MYH15: variants seen among roughly 807,000 people sequenced by gnomAD.
MYH15 encodes myosin heavy chain 15, also known as myosin-15.
MYH15 carries 227 observed loss-of-function variants against 240.5 expected under a neutral mutation model. The ratio of observed to expected loss-of-function variants is 0.94; its 90% CI spans 0.85 to 1.05. MYH15 has a LOEUF of 1.05. Ranked by LOEUF, MYH15 falls within the 50% of genes least tolerant of loss-of-function variation. The pLI is 0.00. For missense variants in MYH15, 2,217 were observed against 2,247.5 expected (o/e 0.99, Z 0.27); for synonymous variants, 785 against 796.7 (o/e 0.99, Z 0.25).
rs2082425644 is a variant in MYH15 at position 108,391,946 on chromosome 3, A to G, written c.5260-16T>C. The G allele has an allele frequency of 1.2e-6, 2 of 1,612,716 alleles. No homozygotes were observed. Among genetic ancestry groups the G allele is most frequent in the African/African-American group, 2.7e-5 (2 of 74,936 alleles). ...AGTTTGCTGCCTAGGGGGTTAAAAAAAGGGACTGAGCTAGTTCAGCAGTCA... is the reference window on the plus strand; with the variant it reads ...AGTTTGCTGCCTAGGGGGTTAAAAAGAGGGACTGAGCTAGTTCAGCAGTCA... On this transcript the variant is annotated splice_polypyrimidine_tract_variant and intron_variant, in intron 36 of 40. Coordinates refer to ENST00000693548, the MANE Select transcript of MYH15 (RefSeq NM_014981.3).
chr3:108,454,295 G>C (rs1576243203), intron 20 of MYH15, among the ~76,000 whole-genome samples, 153 bp from the exon 21 acceptor site: 2 of 151,586 alleles, frequency 1.3e-5, no homozygotes, highest in Non-Finnish European at 2.9e-5. Flanking sequence ...CTACTTCTTA[G>C]AAAGTTTGAT....
At chr3:108,497,761 G>A (rs2083403410) in intron 6 of MYH15, among the ~76,000 whole-genome samples, 1 of 152,126 alleles carries the variant, frequency 6.6e-6, no homozygotes, top group African/African-American at 2.4e-5. Flanking sequence ...AAGATGGTTT[G>A]AATCTTGAGG....
At chr3:108,529,270 T>C (rs1248368313) in exon 1 of MYH15, 2 of 1,602,344 alleles carry the variant, frequency 1.2e-6, no homozygotes, top group Non-Finnish European at 1.7e-6. Flanking sequence ...CACCATGATC[T>C]TTTTGGTAAG....
chr3:108,523,846 C>A (rs1482871941), intron 1 of MYH15, among the ~76,000 whole-genome samples: 1 of 151,918 alleles, frequency 6.6e-6, no homozygotes, highest in East Asian at 1.9e-4. Context: ...TCTTCTCACT[C>A]AATAATACCT....
At chr3:108,429,230 A>G (rs574622743) in intron 26 of MYH15, among the ~76,000 whole-genome samples, 3 of 152,218 alleles carry the variant, frequency 2.0e-5, no homozygotes, top group Non-Finnish European at 2.9e-5. Context: ...GGTAAATTTT[A>G]TATACAAAAA....
intron 33 of MYH15, among the ~76,000 whole-genome samples, chr3:108,400,363 T>G (rs2082494859): frequency 6.6e-6 from 1 of 152,216 alleles, no homozygotes; most frequent in Non-Finnish European, 1.5e-5. Context: ...TTAAGCTCAA[T>G]TCATGAAACA....
the MYH15 span, among the ~76,000 whole-genome samples, chr3:108,538,986 C>G: frequency 6.6e-6 from 1 of 152,068 alleles, no homozygotes; most frequent in South Asian, 2.1e-4. Context: ...CCCACTCTTG[C>G]AATACTTGCA....
At chr3:108,529,162 C>A in intron 1 of MYH15, 1 of 1,088,172 alleles carries the variant, frequency 9.2e-7, no homozygotes, top group Admixed American at 2.1e-5. Flanking sequence ...AATTGGTGTG[C>A]TGCTGATTAA....
intron 28 of MYH15, among the ~76,000 whole-genome samples, chr3:108,420,821 T>A (rs1201739751): frequency 6.6e-6 from 1 of 152,192 alleles, no homozygotes; most frequent in African/African-American, 2.4e-5. Context: ...CATCCTTTGA[T>A]CTTGAGAGTT....
At position 108,400,223 on chromosome 3, in the gene MYH15, A is replaced by T. The variant is rs371369631; in HGVS notation, c.4737-956T>A. On this transcript the variant is annotated intron_variant, in intron 33 of 40. Transcript: ENST00000693548. ...GGGTCTTTCAATGACTTTGAATGTT[A>T]TTGACCGACTCTTCATCCTACCTCA... 1.4e-4 allele frequency among the ~76,000 whole-genome samples: 22 copies of T among 152,278 alleles called. No individual in the cohort carries two copies. The South Asian group carries it at 4.6e-3, about 32-fold the overall frequency.
At chr3:108,393,581 T>G (rs1456990078) in intron 36 of MYH15, among the ~76,000 whole-genome samples, 1 of 152,202 alleles carries the variant, frequency 6.6e-6, no homozygotes, top group African/African-American at 2.4e-5. Context: ...TTTACCAACC[T>G]GATTTTGCTC....
chr3:108,499,372 A>G, intron 5 of MYH15, 83 bp downstream of exon 5: 1 of 1,383,828 alleles, frequency 7.2e-7, no homozygotes, highest in Non-Finnish European at 1.0e-6. Flanking sequence ...GGCGAATCAA[A>G]GTTTTATTCC....
Position 108,457,633 on chromosome 3 carries a change from A to G in MYH15, c.2021-750T>C, listed in dbSNP as rs918344756. Among the ~76,000 whole-genome samples the G allele has an allele frequency of 1.0e-4, 9 of 87,734 alleles. 1 individual carries two copies. Among genetic ancestry groups the G allele is most frequent in the Non-Finnish European group, 2.8e-4 (9 of 32,088 alleles). The allele number at this position is 87,734 out of a possible 152,430, so 57.6% of individuals were successfully genotyped here. A position where few individuals can be genotyped will look rare whatever the true frequency, so the allele number is the denominator to read the frequency against. ...CTACTATGGTATTACATGAAAAATAAAAAAAAAAAAGGACTCCATGCCCAA... is the reference window on the plus strand; with the variant it reads ...CTACTATGGTATTACATGAAAAATAGAAAAAAAAAAGGACTCCATGCCCAA... On this transcript the variant is annotated intron_variant, in intron 18 of 40. Transcript: ENST00000693548.
intron 3 of MYH15, among the ~76,000 whole-genome samples, chr3:108,500,787 A>G (rs2603132): frequency 1 from 152,018 of 152,326 alleles, 75,855 homozygotes; most frequent in Middle Eastern, 1. Flanking sequence ...ATGTAATTAC[A>G]GGTTAAGGGT....
rs570321819 is a variant in MYH15, at chr3:108,394,042, C to A, written c.5248G>T (p.Ala1750Ser). 1.9e-6 allele frequency: 3 copies of A among 1,613,944 alleles called. No homozygotes were observed. The highest frequency in any genetic ancestry group is 2.7e-5 in the African/African-American group (2 of 75,046). ...GTCAAGGGACCCACCTCAATGGCTGCCTTCTTGGCCTTCTCTTCTGCATTT... is the reference window on the plus strand; with the variant it reads ...GTCAAGGGACCCACCTCAATGGCTGACTTCTTGGCCTTCTCTTCTGCATTT... ...CQNAEEKAKKAAIEAANLSEE... is the reference protein window; with the variant it reads ...CQNAEEKAKKSAIEAANLSEE... The change falls in exon 36 of 41, where the codon GCA becomes TCA. Residue 1750 changes from alanine to serine, a missense_variant. By Grantham distance (99) the Ala-to-Ser change is moderately conservative. Coordinates refer to ENST00000693548, the MANE Select transcript of MYH15 (RefSeq NM_014981.3).
chr3:108,400,612 C>A (rs1232504091), intron 33 of MYH15, among the ~76,000 whole-genome samples: 2 of 152,070 alleles, frequency 1.3e-5, no homozygotes, highest in African/African-American at 4.8e-5. Flanking sequence ...AGATCGAGAC[C>A]AGCCTGGCCA....
intron 1 of MYH15, among the ~76,000 whole-genome samples, chr3:108,520,466 G>A (rs949404025): frequency 6.6e-6 from 1 of 152,106 alleles, no homozygotes; most frequent in Non-Finnish European, 1.5e-5. Context: ...CAAGGTCAAG[G>A]ATGACAGCTT....
chr3:108,415,885 A>C (rs1244718006), intron 29 of MYH15, among the ~76,000 whole-genome samples: 1 of 152,316 alleles, frequency 6.6e-6, no homozygotes, highest in South Asian at 2.1e-4. Context: ...ATTGGAAGTC[A>C]CTGGGAAGGC....
chr3:108,386,694 T>C (rs1157364937), intron 38 of MYH15, among the ~76,000 whole-genome samples: 1 of 151,904 alleles, frequency 6.6e-6, no homozygotes, highest in Non-Finnish European at 1.5e-5. Flanking sequence ...CCTTCATAGA[T>C]GTTACTTCTA....
Sources: allele counts gnomAD v4.1 joint callset (sites outside exome capture counted in the v4.1 genomes callset), GRCh38; gene constraint gnomAD v4.1.1; transcripts MANE v1.5; gene names NCBI Gene and HGNC (gene_info 2026-07-23, HGNC 2026-07-21).